The following DLD variants were observed in gnomAD, a reference collection of about 807,000 sequenced individuals.
DLD encodes dihydrolipoamide dehydrogenase.
Under a neutral mutation model 62.2 loss-of-function variants are expected in DLD, and 36 were observed. That is an observed-to-expected ratio of 0.58 (90% CI 0.44 to 0.76). The LOEUF is 0.76. DLD is among the 30% of genes least tolerant of loss of function. The pLI, the probability that DLD is intolerant of heterozygous loss-of-function variation, is 0.00. For synonymous variants in DLD, 204 were observed against 199.6 expected, an observed-to-expected ratio of 1.02 and a Z score of -0.19; for missense variants, 541 against 608.6, an observed-to-expected ratio of 0.89 and a Z score of 1.17.
rs924202258 is a variant in DLD at position 107,919,262 on chromosome 7, TAGA to T, written c.*7_*9del. On this transcript the variant is annotated 3_prime_UTR_variant, in exon 14 of 14. Transcript: ENST00000205402. ...TTGGCAAATCAATCAACTTTTGAATTAGAAGATTATATATATTTTTTTCTGAAA... is the reference window on the plus strand; with the variant it reads ...TTGGCAAATCAATCAACTTTTGAATTAGATTATATATATTTTTTTCTGAAA... 1.2e-6 allele frequency: 2 copies of T among 1,603,394 alleles called. No individual in the cohort carries two copies. The highest frequency in any genetic ancestry group is 1.7e-6 in the Non-Finnish European group (2 of 1,172,862).
At chr7:107,918,963 G>A in intron 12 of DLD, 47 bp from the exon 13 acceptor site, 3 of 1,484,056 alleles carry the variant, frequency 2.0e-6, no homozygotes, top group Non-Finnish European at 1.9e-6. Context: ...CTATTAGCAT[G>A]TAGTTTTTGC....
At chr7:107,913,468 T>G (rs919539611) in intron 8 of DLD, among the ~76,000 whole-genome samples, 1 of 152,076 alleles carries the variant, frequency 6.6e-6, no homozygotes, top group African/African-American at 2.4e-5. Context: ...AATTGATTCT[T>G]AGGTATTTTA....
intron 9 of DLD, 145 bp from the exon 10 acceptor site, chr7:107,916,649 C>T (rs563973708): frequency 2.5e-5 from 21 of 830,138 alleles, no homozygotes; most frequent in South Asian, 4.5e-5. Flanking sequence ...TCCAGTCTGG[C>T]GACAGAGCAA....
At position 107,891,230 on chromosome 7, in the gene DLD, A is replaced by C. The variant is rs368784194; in HGVS notation, c.-21A>C. ...CCAGCGGAGGTGAAAGTATTGGCGGAAAGGAAAATACAGCGGAAAAATGCA... is the reference window on the plus strand; with the variant it reads ...CCAGCGGAGGTGAAAGTATTGGCGGCAAGGAAAATACAGCGGAAAAATGCA... On this transcript the variant is annotated 5_prime_UTR_variant, in exon 1 of 14. Coordinates refer to ENST00000205402, the MANE Select transcript of DLD (RefSeq NM_000108.5). 2.5e-6 allele frequency: 4 copies of C among 1,613,926 alleles called. No homozygotes were observed. The African/African-American group carries it at 4.0e-5, about 16-fold the overall frequency.
intron 2 of DLD, among the ~76,000 whole-genome samples, chr7:107,897,276 T>C (rs1179543921): frequency 6.6e-6 from 1 of 152,230 alleles, no homozygotes; most frequent in Non-Finnish European, 1.5e-5. Flanking sequence ...AAGTTCTTGA[T>C]TGTCCTGGAG....
In DLD at chr7:107,901,821, A is replaced by G. The variant is rs752596874; in HGVS notation, c.198+4A>G. On this transcript the variant is annotated splice_donor_region_variant and intron_variant, in intron 3 of 13. Coordinates refer to ENST00000205402, the MANE Select transcript of DLD (RefSeq NM_000108.5). ...AGCTGCCCAGTTAGGCTTCAAGGTA[A>G]GGTTTGAACTCAAACTAAGTATTGA... The G allele has an allele frequency of 1.2e-6, 2 of 1,611,208 alleles. No homozygotes were observed. The highest frequency in any genetic ancestry group is 2.2e-5 in the South Asian group (2 of 91,040).
intron 8 of DLD, among the ~76,000 whole-genome samples, chr7:107,907,143 A>G (rs570790772): frequency 6.6e-6 from 1 of 152,226 alleles, no homozygotes; most frequent in South Asian, 2.1e-4. Context: ...ACACTCTTAC[A>G]GATGTCCTTG....
intron 12 of DLD, among the ~76,000 whole-genome samples, 161 bp downstream of exon 12, chr7:107,918,222 C>T (rs966782075): frequency 6.6e-6 from 1 of 152,166 alleles, no homozygotes; most frequent in African/African-American, 2.4e-5. Flanking sequence ...CAGCAGCACT[C>T]TCACAGTCTT....
Position 107,920,175 on chromosome 7 carries a change from A to G in DLD, c.*916A>G, listed in dbSNP as rs1013079586. ...ATATATACTTTTGGAGAAGTACAAC[A>G]TAAGGGAGTCTTTAATCTGTGTTTT... is the stretch of plus-strand genomic sequence containing the variant. On this transcript the variant is annotated 3_prime_UTR_variant, in exon 14 of 14. Coordinates refer to ENST00000205402, the MANE Select transcript of DLD (RefSeq NM_000108.5). The G allele has an allele frequency of 3.9e-5, 6 of 152,336 alleles. No homozygotes were observed. The highest frequency in any genetic ancestry group is 1.4e-4 in the African/African-American group (6 of 41,462). The allele number at this position is 152,336 out of a possible 1,614,324, so 9.4% of individuals were successfully genotyped here.
At chr7:107,913,339 A>C (rs904547145) in intron 8 of DLD, among the ~76,000 whole-genome samples, 1 of 152,122 alleles carries the variant, frequency 6.6e-6, no homozygotes, top group Non-Finnish European at 1.5e-5. Flanking sequence ...TAGTATTGTC[A>C]TTTTAACGAT....
In DLD at chr7:107,916,793, G is replaced by A. The variant is rs1331518061; in HGVS notation, c.876-1G>A. 1 of 1,612,896 alleles carries A rather than the reference G, an allele frequency of 6.2e-7. No homozygotes were observed. Among genetic ancestry groups the A allele is most frequent in the South Asian group, 1.1e-5 (1 of 90,988 alleles). On this transcript the variant is annotated splice_acceptor_variant, in intron 9 of 13. Transcript: ENST00000205402. LOFTEE classifies it high-confidence loss of function. ...ACATTTATACACTGTTTGTTATCTA[G>A]TATTGAAGCTGCTTCTGGTGGTAAA...
Position 107,904,998 on chromosome 7 carries a change from GA to G in DLD, c.380del (p.Lys127ArgfsTer5). 3.1e-6 allele frequency: 5 copies of G among 1,613,334 alleles called. No individual in the cohort carries two copies. Among genetic ancestry groups the G allele is most frequent in the Non-Finnish European group, 4.2e-6 (5 of 1,179,584 alleles). ...RLNLDKMMEQ[K>X]STAVKALTGG... Reference sequence around the variant, plus strand: ...TGAATTTAGACAAGATGATGGAGCAGAAGAGTACTGCAGTAAAAGCTTTAAC... The same window carrying G: ...TGAATTTAGACAAGATGATGGAGCAGAGAGTACTGCAGTAAAAGCTTTAAC... On this transcript the variant is annotated frameshift_variant, in exon 6 of 14. Coordinates refer to ENST00000205402, the MANE Select transcript of DLD (RefSeq NM_000108.5). LOFTEE classifies it high-confidence loss of function.
rs2701026 is a variant in DLD, at chr7:107,917,475, A to G, written c.1236+13A>G. The G allele has an allele frequency of 5.9e-4, 950 of 1,614,030 alleles. 4 individuals carry two copies. The African/African-American group carries it at 0.011, about 19-fold the overall frequency. On this transcript the variant is annotated intron_variant, in intron 11 of 13. Coordinates refer to ENST00000205402, the MANE Select transcript of DLD (RefSeq NM_000108.5). Reference sequence around the variant, plus strand: ...GTTGAAAGAAGAGGTAAGTCTGAACATGGGTGGTTTTAAGCCAATGTGTGA... The same window carrying G: ...GTTGAAAGAAGAGGTAAGTCTGAACGTGGGTGGTTTTAAGCCAATGTGTGA...
At chr7:107,899,799 T>C (rs7779923) in intron 2 of DLD, among the ~76,000 whole-genome samples, 48,056 of 151,738 alleles carry the variant, frequency 0.32, 8,932 homozygotes, top group Non-Finnish European at 0.41. Context: ...GGGTTGTTTT[T>C]TTTTTAATTT....
At chr7:107,901,613 G>A in intron 2 of DLD, 125 bp from the exon 3 acceptor site, 3 of 766,228 alleles carry the variant, frequency 3.9e-6, no homozygotes, top group Non-Finnish European at 4.6e-6. Context: ...CAGAAACTAT[G>A]TAGAAAATGC....
intron 8 of DLD, among the ~76,000 whole-genome samples, chr7:107,909,398 G>C (rs2116237721): frequency 6.6e-6 from 1 of 152,314 alleles, no homozygotes; most frequent in South Asian, 2.1e-4. Flanking sequence ...CACGTCATTA[G>C]TACAAATTTT....
Position 107,904,938 on chromosome 7 carries a change from AT to A in DLD, c.338-18del, listed in dbSNP as rs756193519. The stretch of plus-strand genomic sequence containing the variant: ...TCAAGAATTTAGCTAAGAACTAAAG[AT>A]TAATTGAACAAATTACAGTGTCCGA... On this transcript the variant is annotated intron_variant, in intron 5 of 13. Transcript: ENST00000205402. The A allele has an allele frequency of 1.3e-6, 2 of 1,583,006 alleles. No homozygotes were observed. The highest frequency in any genetic ancestry group is 2.2e-5 in the South Asian group (2 of 90,228).
rs2032280193 is a variant in DLD, at chr7:107,916,784, T to G, written c.876-10T>G. 6.2e-7 allele frequency: 1 copy of G among 1,612,790 alleles called. No individual in the cohort carries two copies. Among genetic ancestry groups the G allele is most frequent in the Non-Finnish European group, 8.5e-7 (1 of 1,179,478 alleles). ...GTGTATTTAACATTTATACACTGTT[T>G]GTTATCTAGTATTGAAGCTGCTTCT... On this transcript the variant is annotated splice_polypyrimidine_tract_variant and intron_variant, in intron 9 of 13. Coordinates refer to ENST00000205402, the MANE Select transcript of DLD (RefSeq NM_000108.5).
intron 8 of DLD, among the ~76,000 whole-genome samples, chr7:107,914,644 C>T (rs1201033360): frequency 6.6e-6 from 1 of 151,988 alleles, no homozygotes; most frequent in Non-Finnish European, 1.5e-5. Context: ...AAATGAACGC[C>T]CACACCTAAT....
Sources: allele counts gnomAD v4.1 joint callset (sites outside exome capture counted in the v4.1 genomes callset), GRCh38; gene constraint gnomAD v4.1.1; transcripts MANE v1.5; gene names NCBI Gene and HGNC (gene_info 2026-07-23, HGNC 2026-07-21).